Variants in LDB3 observed in about 807,000 individuals in gnomAD.
LDB3 encodes LIM domain-binding protein 3.
A neutral mutation model predicts 69.0 loss-of-function variants in LDB3; 49 were observed. The ratio of observed to expected loss-of-function variants is 0.71; its 90% confidence interval spans 0.56 to 0.90. The LOEUF is 0.90. LDB3 is among the 40% of genes least tolerant of loss of function. The pLI, the probability that LDB3 is intolerant of heterozygous loss-of-function variation, is 0.00. For missense variants in LDB3, 928 were observed against 974.1 expected (o/e 0.95, Z 0.63); for synonymous variants, 387 against 396.2 (o/e 0.98, Z 0.28).
At chr10:86,705,685 G>C (rs1846414455) in intron 7 of LDB3, among the ~76,000 whole-genome samples, 1 of 152,168 alleles carries the variant, frequency 6.6e-6, no homozygotes, top group Admixed American at 6.5e-5. Flanking sequence ...GTCCACACTG[G>C]CAGTGTGGTC....
At chr10:86,731,829 T>C (rs944610359) in intron 13 of LDB3, among the ~76,000 whole-genome samples, 1 of 148,364 alleles carries the variant, frequency 6.7e-6, no homozygotes, top group Non-Finnish European at 1.5e-5. Context: ...TGCTGATTTT[T>C]GATTGAATAC....
At chr10:86,726,434 T>C (rs1847261422) in intron 13 of LDB3, 182 bp downstream of exon 13, 2 of 639,400 alleles carry the variant, frequency 3.1e-6, no homozygotes, top group African/African-American at 3.6e-5. Context: ...TCATTCCTAA[T>C]AATTATTTAT....
rs142720766 is a variant in LDB3 at position 86,669,165 on chromosome 10, C to T, written c.93+381C>T. On this transcript the variant is annotated intron_variant, in intron 2 of 13. Coordinates refer to ENST00000361373, the MANE Select transcript of LDB3 (RefSeq NM_007078.3). ...GCATTTCCCTAGATATGGGCAGCTGCTTTGGGAAGGGAGTATTCCCAGCAT... is the reference window on the plus strand; with the variant it reads ...GCATTTCCCTAGATATGGGCAGCTGTTTTGGGAAGGGAGTATTCCCAGCAT... Among the ~76,000 whole-genome samples, 58 of 152,270 alleles carry T rather than the reference C, an allele frequency of 3.8e-4. No homozygotes were observed. The East Asian group carries it at 0.011, about 28-fold the overall frequency.
chr10:86,679,217 G>A, intron 2 of LDB3, 150 bp from the exon 3 acceptor site: 1 of 912,912 alleles, frequency 1.1e-6, no homozygotes, highest in Non-Finnish European at 1.7e-6. Context: ...AGAGGAACTA[G>A]GCTTGGTTAG....
intron 10 of LDB3, among the ~76,000 whole-genome samples, chr10:86,717,339 G>T (rs1023749137): frequency 6.6e-6 from 1 of 152,140 alleles, no homozygotes; most frequent in Non-Finnish European, 1.5e-5. Flanking sequence ...TAAAACTAAA[G>T]TAATACATAC....
Position 86,687,094 on chromosome 10 carries a change from C to A in LDB3, c.690-4802C>A, listed in dbSNP as rs755513516. ...CGCCGACTACCAGGAACGCTTCAAC[C>A]CCAGTGCCCTGAAGGACTCGGCCCT... On this transcript the variant is annotated intron_variant, in intron 5 of 13. Transcript: ENST00000361373. 8.2e-5 allele frequency: 132 copies of A among 1,614,140 alleles called. No individual in the cohort carries two copies. Among genetic ancestry groups the A allele is most frequent in the Non-Finnish European group, 1.1e-4 (125 of 1,179,982 alleles).
At chr10:86,684,685 G>A (rs890360176) in intron 5 of LDB3, among the ~76,000 whole-genome samples, 2 of 152,204 alleles carry the variant, frequency 1.3e-5, no homozygotes, top group Non-Finnish European at 2.9e-5. Flanking sequence ...GGGTTTGGCT[G>A]CAAATGACCA....
chr10:86,687,954 CCT>C (rs1298333409), intron 5 of LDB3, among the ~76,000 whole-genome samples: 1 of 151,972 alleles, frequency 6.6e-6, no homozygotes, highest in Non-Finnish European at 1.5e-5. Flanking sequence ...TGCAGACAGA[CCT>C]CTCTCTGCGT....
intron 12 of LDB3, among the ~76,000 whole-genome samples, chr10:86,724,027 T>G (rs1237763877): frequency 1.3e-5 from 2 of 152,190 alleles, no homozygotes; most frequent in Non-Finnish European, 2.9e-5. Context: ...ATTGGAATAC[T>G]AGGCTGGGCG....
chr10:86,726,518 C>T (rs1316388510), intron 13 of LDB3: 1 of 492,188 alleles, frequency 2.0e-6, no homozygotes, highest in East Asian at 3.9e-5. Context: ...AAACCAGCGG[C>T]TTGTCTCACC....
rs751565201 is a variant in LDB3, at chr10:86,679,247, CG to C, written c.94-119del. On this transcript the variant is annotated intron_variant, in intron 2 of 13. Coordinates refer to ENST00000361373, the MANE Select transcript of LDB3 (RefSeq NM_007078.3). ...GGTTAGCAGCTGGTACTGGCCGTAG[CG>C]AATGAAAAACACAATGACGGCTTCT... 271 of 1,245,718 alleles carry C rather than the reference CG, an allele frequency of 2.2e-4. 2 individuals are homozygous for C. Among genetic ancestry groups the C allele is most frequent in the Non-Finnish European group, 3.1e-4 (263 of 859,132 alleles). The allele number at this position is 1,245,718 out of a possible 1,614,324, so 77.2% of individuals were successfully genotyped here.
chr10:86,698,806 CG>C (rs1370432867), intron 7 of LDB3, among the ~76,000 whole-genome samples: 1 of 152,148 alleles, frequency 6.6e-6, no homozygotes, highest in Non-Finnish European at 1.5e-5. Context: ...AGCCTCATCA[CG>C]GGGGATAGGT....
chr10:86,675,835 C>A (rs1844765402), intron 2 of LDB3, among the ~76,000 whole-genome samples: 1 of 152,260 alleles, frequency 6.6e-6, no homozygotes, highest in East Asian at 1.9e-4. Flanking sequence ...TAGAAATCTG[C>A]AAAAATGTCT....
chr10:86,681,337 C>T (rs1845112746), intron 4 of LDB3, 99 bp from the exon 5 acceptor site: 12 of 1,554,270 alleles, frequency 7.7e-6, no homozygotes, highest in Admixed American at 1.7e-5. Context: ...GCGGGGCTCG[C>T]GCTAACACAT....
chr10:86,719,263 G>A (rs79554829), intron 12 of LDB3, among the ~76,000 whole-genome samples: 1,642 of 152,194 alleles, frequency 0.011, 35 homozygotes, highest in East Asian at 0.082. Flanking sequence ...GTGGTGGCGC[G>A]TGCCTGTAGT....
At chr10:86,704,603 G>A (rs1037235580) in intron 7 of LDB3, among the ~76,000 whole-genome samples, 2 of 132,888 alleles carry the variant, frequency 1.5e-5, no homozygotes, top group African/African-American at 6.0e-5. Flanking sequence ...TTTTTGAGAC[G>A]GAGTCTCGCT....
chr10:86,718,694 C>T (rs758580066), intron 11 of LDB3, 33 bp from the exon 12 acceptor site: 22 of 1,614,016 alleles, frequency 1.4e-5, no homozygotes, highest in Middle Eastern at 1.6e-4. Flanking sequence ...TCCCTCTCTC[C>T]TTTCTGTCCT....
At chr10:86,708,871 G>A (rs1284802283) in intron 8 of LDB3, among the ~76,000 whole-genome samples, 1 of 152,172 alleles carries the variant, frequency 6.6e-6, no homozygotes, top group Admixed American at 6.5e-5. Context: ...CCCCAGAGAG[G>A]AAGGCACTCC....
In LDB3 at chr10:86,733,008, G is replaced by C. The variant is rs372535555; in HGVS notation, c.*32G>C. 1 of 1,499,004 alleles carries C rather than the reference G, an allele frequency of 6.7e-7. No individual in the cohort carries two copies. The highest frequency in any genetic ancestry group is 9.3e-7 in the Non-Finnish European group (1 of 1,080,614). The allele number at this position is 1,499,004 out of a possible 1,614,324, so 92.9% of individuals were successfully genotyped here. A position where few individuals can be genotyped will look rare whatever the true frequency, so the allele number is the denominator to read the frequency against. On this transcript the variant is annotated 3_prime_UTR_variant, in exon 14 of 14. Transcript: ENST00000361373. ...AAGGCCGCCTGTGCTGACGAGGCCC[G>C]GAGCTGCTCCTGCTGCTGGCAACAA...
Sources: allele counts gnomAD v4.1 joint callset (sites outside exome capture counted in the v4.1 genomes callset), GRCh38; gene constraint gnomAD v4.1.1; transcripts MANE v1.5; gene names NCBI Gene and HGNC (gene_info 2026-07-23, HGNC 2026-07-21).